IL1RAPL2: variants seen among roughly 807,000 people sequenced by gnomAD.
IL1RAPL2 encodes the protein X-linked interleukin-1 receptor accessory protein-like 2.
In IL1RAPL2, 3 loss-of-function variants were observed where a neutral mutation model predicts 44.1. The observed-to-expected ratio is 0.07, with a 90% CI of 0.03 to 0.18. The LOEUF is 0.18. Ranked by LOEUF, IL1RAPL2 falls within the 10% of genes least tolerant of loss-of-function variation. The pLI is 1.00. For missense variants in IL1RAPL2, 391 were observed against 496.4 expected (o/e 0.79, Z 2.02); for synonymous variants, 181 against 178.8 (o/e 1.01, Z -0.10).
At position 104,916,361 on chromosome X, in the gene IL1RAPL2, C is replaced by A. The variant is rs555502525; in HGVS notation, c.82+257366C>A. Reference sequence around the variant, plus strand: ...GAATGGGAGTTCACTCATGATTTGGCTCTCTGTTTGTCTGTTATTGGTGTA... The same window carrying A: ...GAATGGGAGTTCACTCATGATTTGGATCTCTGTTTGTCTGTTATTGGTGTA... On this transcript the variant is annotated intron_variant, in intron 2 of 10. Transcript: ENST00000372582. Among the ~76,000 whole-genome samples, 360 of 111,474 alleles carry A rather than the reference C, an allele frequency of 3.2e-3. 2 individuals carry two copies. The highest frequency in any genetic ancestry group is 5.1e-3 in the Non-Finnish European group (270 of 53,081).
chrX:104,761,964 T>C (rs1273404500), intron 2 of IL1RAPL2, among the ~76,000 whole-genome samples: 8 of 85,753 alleles, frequency 9.3e-5, no homozygotes, highest in African/African-American at 3.4e-4. Context: ...CTTCTTCTTC[T>C]TCTTCTTCTT....
chrX:105,039,131 G>T (rs759119719), intron 2 of IL1RAPL2, among the ~76,000 whole-genome samples: 1 of 111,628 alleles, frequency 9.0e-6, no homozygotes, highest in African/African-American at 3.2e-5. Flanking sequence ...TTAGAGGGAG[G>T]TCTAAAGATC....
chrX:105,253,720 G>A (rs1175284903), intron 4 of IL1RAPL2, among the ~76,000 whole-genome samples: 1 of 111,212 alleles, frequency 9.0e-6, no homozygotes, highest in Non-Finnish European at 1.9e-5. Flanking sequence ...CCTTCAAGTA[G>A]ACCCCAGTGT....
intron 2 of IL1RAPL2, among the ~76,000 whole-genome samples, chrX:104,739,437 T>C (rs1363355604): frequency 8.9e-6 from 1 of 112,103 alleles, no homozygotes; most frequent in East Asian, 2.8e-4. Flanking sequence ...GCCACCCCCA[T>C]TGGTTTTGAT....
intron 2 of IL1RAPL2, among the ~76,000 whole-genome samples, chrX:104,925,449 T>C (rs1329482662): frequency 9.0e-6 from 1 of 111,135 alleles, no homozygotes; most frequent in Non-Finnish European, 1.9e-5. Context: ...CAAAAATCCT[T>C]AATGAAATAC....
intron 4 of IL1RAPL2, among the ~76,000 whole-genome samples, chrX:105,242,377 T>C (rs1343767472): frequency 1.8e-5 from 2 of 112,546 alleles, no homozygotes; most frequent in Non-Finnish European, 3.7e-5. Flanking sequence ...TAAGCACTTA[T>C]TCCTTTTAAA....
At chrX:105,124,117 C>A (rs1465209024) in intron 2 of IL1RAPL2, among the ~76,000 whole-genome samples, 1 of 111,392 alleles carries the variant, frequency 9.0e-6, no homozygotes, top group African/African-American at 3.2e-5. Context: ...ACAGTCCTGG[C>A]ACTCTGCTAA....
chrX:105,424,990 C>T (rs1162306604), intron 5 of IL1RAPL2, among the ~76,000 whole-genome samples: 2 of 109,692 alleles, frequency 1.8e-5, no homozygotes, highest in East Asian at 2.9e-4. Context: ...TACTCTGGGT[C>T]TCCATCCAAC....
chrX:104,841,230 C>T (rs1422600131), intron 2 of IL1RAPL2, among the ~76,000 whole-genome samples: 1 of 111,355 alleles, frequency 9.0e-6, no homozygotes, highest in Non-Finnish European at 1.9e-5. Flanking sequence ...TTTTGCTTTC[C>T]ATTTGCTTGG....
At chrX:105,184,634 G>A (rs1556132816) in intron 2 of IL1RAPL2, among the ~76,000 whole-genome samples, 1 of 109,608 alleles carries the variant, frequency 9.1e-6, no homozygotes, top group African/African-American at 3.3e-5. Flanking sequence ...ATGGTATATA[G>A]TATTATTACT....
At chrX:105,274,968 T>C (rs926360899) in intron 5 of IL1RAPL2, among the ~76,000 whole-genome samples, 4 of 111,846 alleles carry the variant, frequency 3.6e-5, no homozygotes, top group African/African-American at 1.3e-4. Flanking sequence ...CCTAGAACTT[T>C]GAGAGGCTGA....
chrX:105,031,526 C>G (rs1406440929), intron 2 of IL1RAPL2, among the ~76,000 whole-genome samples: 5 of 111,485 alleles, frequency 4.5e-5, no homozygotes, highest in East Asian at 2.8e-4. Context: ...CTTTGGTTAT[C>G]TTTATATGCT....
intron 10 of IL1RAPL2, among the ~76,000 whole-genome samples, 171 bp from the exon 11 acceptor site, chrX:105,766,793 A>C (rs969821988): frequency 2.3e-5 from 2 of 88,735 alleles, no homozygotes; most frequent in African/African-American, 5.8e-5. Context: ...AACGATTATA[A>C]GCAGTTTTTT....
At chrX:104,823,427 A>G (rs1921362783) in intron 2 of IL1RAPL2, among the ~76,000 whole-genome samples, 1 of 110,292 alleles carries the variant, frequency 9.1e-6, no homozygotes. Flanking sequence ...AAGGACATGA[A>G]CTCATCATTT....
intron 2 of IL1RAPL2, among the ~76,000 whole-genome samples, chrX:104,717,339 T>C (rs1303648392): frequency 9.2e-6 from 1 of 108,677 alleles, no homozygotes; most frequent in Non-Finnish European, 1.9e-5. Flanking sequence ...ACCTGAGTGA[T>C]GAAATAATCT....
At chrX:105,032,829 T>C in intron 2 of IL1RAPL2, among the ~76,000 whole-genome samples, 1 of 111,404 alleles carries the variant, frequency 9.0e-6, no homozygotes, top group East Asian at 2.8e-4. Context: ...AGTGGGGTGT[T>C]AAAGTCTCCC....
intron 5 of IL1RAPL2, among the ~76,000 whole-genome samples, chrX:105,474,354 A>T (rs1170347093): frequency 1.8e-5 from 2 of 111,805 alleles, no homozygotes; most frequent in Admixed American, 1.9e-4. Context: ...TGAGACCCAC[A>T]TTAGACTTCT....
At chrX:104,984,578 G>A (rs763713533) in intron 2 of IL1RAPL2, among the ~76,000 whole-genome samples, 9 of 111,857 alleles carry the variant, frequency 8.0e-5, no homozygotes, top group Non-Finnish European at 1.5e-4. Context: ...TGGAGTACAT[G>A]GGCCTTAAAG....
rs759226687 is a variant in IL1RAPL2, at chrX:105,328,169, G to T, written c.697+60628G>T. On this transcript the variant is annotated intron_variant, in intron 5 of 10. Transcript: ENST00000372582. ...AGGGCAAAGAATTTGGTGTAATCTA[G>T]ATAGTATATCTGATCCCTTTGTCAA... Among the ~76,000 whole-genome samples the T allele has an allele frequency of 6.2e-5, 7 of 112,036 alleles. No homozygotes were observed. The South Asian group carries it at 2.6e-3, about 42-fold the overall frequency.
Sources: gnomAD v4.1 joint callset for allele counts (sites outside exome capture counted in the v4.1 genomes callset) on GRCh38, gnomAD v4.1.1 for gene constraint, MANE v1.5 for transcripts, NCBI Gene and HGNC (gene_info 2026-07-23, HGNC 2026-07-21) for gene names.